CATSPERE: variants seen among roughly 807,000 people sequenced by gnomAD.
The protein encoded by CATSPERE is catsper channel auxiliary subunit epsilon.
Under a neutral mutation model 114.1 loss-of-function variants are expected in CATSPERE, and 93 were observed. That is an observed-to-expected ratio of 0.81 (90% confidence interval 0.69 to 0.97). The LOEUF is 0.97. CATSPERE is among the 50% of genes least tolerant of loss of function. The probability of loss-of-function intolerance (pLI) is 0.00; values close to 1 mark genes in which losing one functional copy is unlikely to be tolerated. For missense variants in CATSPERE, 1,058 were observed against 1,131.6 expected (o/e 0.93, Z 0.93); for synonymous variants, 341 against 384.1 (o/e 0.89, Z 1.31).
In CATSPERE at chr1:244,621,047, TATAAATATATATAAATATATATA is replaced by T. The variant is rs1558608536; in HGVS notation, c.2648+3363_2648+3385del. Among the ~76,000 whole-genome samples, 389 of 66,508 alleles carry T rather than the reference TATAAATATATATAAATATATATA, an allele frequency of 5.8e-3. 27 individuals carry two copies. The highest frequency in any genetic ancestry group is 0.03 in the African/African-American group (371 of 12,266). The allele number at this position is 66,508 out of a possible 152,430, so 43.6% of individuals were successfully genotyped here. On this transcript the variant is annotated intron_variant, in intron 20 of 21. Transcript: ENST00000366534. ...TATATAAATATATATAAAATATATATATAAATATATATAAATATATATAAAATATATATATAAATATATATAAA... is the reference window on the plus strand; with the variant it reads ...TATATAAATATATATAAAATATATATAAATATATATATAAATATATATAAA...
At chr1:244,636,152 A>C (rs181675911) in intron 21 of CATSPERE, among the ~76,000 whole-genome samples, 1 of 152,316 alleles carries the variant, frequency 6.6e-6, no homozygotes, top group East Asian at 1.9e-4. Flanking sequence ...TTTAGGAAAC[A>C]GTAAAGGGAT....
In CATSPERE at chr1:244,625,405, T is replaced by A. The variant is rs60035078; in HGVS notation, c.2648+7719T>A. Among the ~76,000 whole-genome samples the A allele has an allele frequency of 1.3e-3, 12 of 9,480 alleles. 1 individual carries two copies. Among genetic ancestry groups the A allele is most frequent in the African/African-American group, 4.4e-3 (11 of 2,522 alleles). 6.2% of individuals were successfully genotyped at this position (9,480 alleles called of 152,430 possible). A position where few individuals can be genotyped will look rare whatever the true frequency, so the allele number is the denominator to read the frequency against. The stretch of plus-strand genomic sequence containing the variant: ...TTTATTTTTATTATTATTATTATTA[T>A]TTATATATATATATATATATATATA... On this transcript the variant is annotated intron_variant, in intron 20 of 21. Transcript: ENST00000366534.
At chr1:244,464,036 T>C in intron 2 of CATSPERE, 80 bp downstream of exon 2, 4 of 1,052,590 alleles carry the variant, frequency 3.8e-6, no homozygotes, top group Admixed American at 1.8e-5. Context: ...GTTAATCATA[T>C]TGAGTTTTAC....
chr1:244,565,412 G>T (rs1360337916), intron 10 of CATSPERE, among the ~76,000 whole-genome samples: 1 of 152,104 alleles, frequency 6.6e-6, no homozygotes, highest in African/African-American at 2.4e-5. Context: ...ATTCATTACT[G>T]TCTCAGTTTC....
chr1:244,515,073 G>A lies in CATSPERE; in HGVS notation c.430-3519G>A, dbSNP rs113014889. ...AAAATCTCTTCAATGTTTGGCCATTGTACTAAGAATAAAATCTAACTTATT... is the reference window on the plus strand; with the variant it reads ...AAAATCTCTTCAATGTTTGGCCATTATACTAAGAATAAAATCTAACTTATT... On this transcript the variant is annotated intron_variant, in intron 7 of 21. Coordinates refer to ENST00000366534, the MANE Select transcript of CATSPERE (RefSeq NM_001130957.2). Among the ~76,000 whole-genome samples the A allele has an allele frequency of 9.7e-4, 147 of 152,264 alleles. 1 individual carries two copies. Among genetic ancestry groups the A allele is most frequent in the African/African-American group, 3.3e-3 (137 of 41,532 alleles).
At chr1:244,563,838 A>T (rs1662981254) in intron 10 of CATSPERE, among the ~76,000 whole-genome samples, 1 of 152,146 alleles carries the variant, frequency 6.6e-6, no homozygotes, top group African/African-American at 2.4e-5. Flanking sequence ...GCCCATGCCT[A>T]TGTCCTGAAT....
intron 7 of CATSPERE, among the ~76,000 whole-genome samples, chr1:244,513,923 A>G (rs969657679): frequency 1.3e-5 from 2 of 152,110 alleles, no homozygotes; most frequent in Non-Finnish European, 2.9e-5. Flanking sequence ...TCCCAGACTC[A>G]TTTTTTAATT....
At chr1:244,525,993 G>T (rs1190062019) in intron 8 of CATSPERE, among the ~76,000 whole-genome samples, 2 of 152,150 alleles carry the variant, frequency 1.3e-5, no homozygotes, top group Non-Finnish European at 2.9e-5. Context: ...CTCATCTGTG[G>T]CCTCATGGTC....
chr1:244,469,287 A>C (rs955201621), intron 2 of CATSPERE, among the ~76,000 whole-genome samples: 1 of 152,228 alleles, frequency 6.6e-6, no homozygotes, highest in Non-Finnish European at 1.5e-5. Context: ...TATGGAGTAC[A>C]TATAAGGAAT....
At chr1:244,533,709 T>C (rs3005962) in intron 8 of CATSPERE, among the ~76,000 whole-genome samples, 132,533 of 152,152 alleles carry the variant, frequency 0.87, 58,670 homozygotes, top group East Asian at 1. Context: ...TACATCTTAT[T>C]GTACTGTCCA....
chr1:244,584,009 A>ATACAATACCTCTG, intron 13 of CATSPERE, 70 bp downstream of exon 13: 1 of 1,209,926 alleles, frequency 8.3e-7, no homozygotes, highest in South Asian at 1.2e-5. Flanking sequence ...CAAATAATGC[A>ATACAATACCTCTG]TACAATACCT....
intron 8 of CATSPERE, among the ~76,000 whole-genome samples, chr1:244,525,573 T>G (rs561060365): frequency 1.3e-5 from 2 of 152,184 alleles, no homozygotes; most frequent in East Asian, 3.9e-4. Flanking sequence ...GGATTGCTGA[T>G]GGAAGTGTAA....
chr1:244,459,797 G>C (rs1181893869), upstream of CATSPERE, among the ~76,000 whole-genome samples: 1 of 152,180 alleles, frequency 6.6e-6, no homozygotes, highest in African/African-American at 2.4e-5. Context: ...AAACACTGTA[G>C]TAAAACTATA....
intron 10 of CATSPERE, among the ~76,000 whole-genome samples, chr1:244,565,215 T>C (rs903936062): frequency 1.2e-4 from 19 of 152,170 alleles, no homozygotes; most frequent in African/African-American, 4.6e-4. Flanking sequence ...TTTTCTTTTT[T>C]TGTTGTGTCT....
intron 20 of CATSPERE, among the ~76,000 whole-genome samples, chr1:244,625,804 G>T (rs1291436663): frequency 6.7e-6 from 1 of 150,032 alleles, no homozygotes; most frequent in Non-Finnish European, 1.5e-5. Context: ...GCCCAATCTG[G>T]TTTCAAACTC....
intron 8 of CATSPERE, among the ~76,000 whole-genome samples, chr1:244,539,601 C>G (rs61844670): frequency 6.8e-6 from 1 of 146,680 alleles, no homozygotes; most frequent in South Asian, 2.3e-4. Context: ...TCCATCTGGT[C>G]CTGGACTCTT....
intron 7 of CATSPERE, among the ~76,000 whole-genome samples, chr1:244,510,262 G>A (rs577777207): frequency 2.6e-5 from 4 of 152,172 alleles, no homozygotes; most frequent in East Asian, 1.9e-4. Flanking sequence ...ATTTTGATAT[G>A]TTGTGTTTCT....
In CATSPERE at chr1:244,535,314, G is replaced by A. The variant is rs193068864; in HGVS notation, c.536+16616G>A. Among the ~76,000 whole-genome samples the A allele has an allele frequency of 5.6e-4, 85 of 152,304 alleles. 1 individual carries two copies. The highest frequency in any genetic ancestry group is 1.9e-3 in the African/African-American group (78 of 41,570). The stretch of plus-strand genomic sequence containing the variant: ...GGCTCTACAACCAGCAGGTGGTGAA[G>A]CCAGCCAGTCTTGTGTCTTTCCCTT... On this transcript the variant is annotated intron_variant, in intron 8 of 21. Coordinates refer to ENST00000366534, the MANE Select transcript of CATSPERE (RefSeq NM_001130957.2).
chr1:244,491,463 A>T (rs1672148277), intron 6 of CATSPERE, among the ~76,000 whole-genome samples: 1 of 152,112 alleles, frequency 6.6e-6, no homozygotes, highest in African/African-American at 2.4e-5. Flanking sequence ...AGGGAAATTT[A>T]TAGCACTAAA....
Sources: gnomAD v4.1 joint callset for allele counts (sites outside exome capture counted in the v4.1 genomes callset) on GRCh38, gnomAD v4.1.1 for gene constraint, MANE v1.5 for transcripts, NCBI Gene and HGNC (gene_info 2026-07-23, HGNC 2026-07-21) for gene names.